Variants in AKT2 observed in about 807,000 individuals in gnomAD.
The protein encoded by AKT2 is AKT serine/threonine kinase 2.
A neutral mutation model predicts 58.6 loss-of-function variants in AKT2; 16 were observed. The observed-to-expected ratio is 0.27, with a 90% CI of 0.18 to 0.41. The LOEUF (loss-of-function observed/expected upper bound fraction) is 0.41, where lower values mean the gene tolerates loss of function less well. Among genes scored for constraint, AKT2 ranks in the 10% least tolerant of loss-of-function variants. The probability of loss-of-function intolerance (pLI) is 1.00; values close to 1 mark genes in which losing one functional copy is unlikely to be tolerated. For synonymous variants in AKT2, 253 were observed against 254.0 expected (o/e 1.00, Z 0.04); for missense variants, 438 against 661.0 (o/e 0.66, Z 3.70).
In AKT2 at chr19:40,231,571, C is replaced by T. The variant is rs1331158041; in HGVS notation, c.*2301G>A. The T allele has an allele frequency of 1.7e-5, 4 of 233,174 alleles. No homozygotes were observed. The highest frequency in any genetic ancestry group is 5.6e-5 in the Admixed American group (1 of 17,782). The allele number at this position is 233,174 out of a possible 1,614,324, so 14.4% of individuals were successfully genotyped here. Reference sequence around the variant, plus strand: ...ATGGGTGTGAAGTGCTAACACCTTGCGGCAAAATCTCAAATTCATCTGTGC... The same window carrying T: ...ATGGGTGTGAAGTGCTAACACCTTGTGGCAAAATCTCAAATTCATCTGTGC... On this transcript the variant is annotated 3_prime_UTR_variant, in exon 14 of 14. Coordinates refer to ENST00000392038, the MANE Select transcript of AKT2 (RefSeq NM_001626.6).
In AKT2 at chr19:40,235,333, C is replaced by T; in HGVS notation, c.1193G>A (p.Ser398Asn). The part of the protein sequence containing the change: ...DPKQRLGGGP[S>N]DAKEVMEHRF... ...GTGCTCCATGACCTCCTTGGCATCG[C>T]TGGGCCCCCCACCAAGCCTGTGCAG... is the stretch of plus-strand genomic sequence containing the variant. Residue 398 changes from serine to asparagine, a missense_variant, in exon 12 of 14, where the codon AGC becomes AAC. Ser to Asn is a conservative substitution (Grantham distance 46). Coordinates refer to ENST00000392038, the MANE Select transcript of AKT2 (RefSeq NM_001626.6). The surrounding 1 kb of genome is among the most constrained non-coding windows in gnomAD (Gnocchi z 6.3). The T allele has an allele frequency of 6.2e-7, 1 of 1,613,882 alleles. No homozygotes were observed. Among genetic ancestry groups the T allele is most frequent in the South Asian group, 1.1e-5 (1 of 91,084 alleles).
chr19:40,249,520 A>C (rs1469552924), intron 4 of AKT2, among the ~76,000 whole-genome samples: 1 of 152,172 alleles, frequency 6.6e-6, no homozygotes, highest in African/African-American at 2.4e-5. Context: ...AAGCTCGGCG[A>C]AGCAGAGGTG....
rs143444024 is a variant in AKT2, at chr19:40,280,181, C to T, written c.-85+5000G>A. Among the ~76,000 whole-genome samples, 1,201 of 152,360 alleles carry T rather than the reference C, an allele frequency of 7.9e-3. 25 individuals carry two copies. The highest frequency in any genetic ancestry group is 0.027 in the African/African-American group (1,117 of 41,580). On this transcript the variant is annotated intron_variant, in intron 1 of 13. Transcript: ENST00000392038. ...GCCTACAGGCCCACGGCAGCGTGGACGCAGGGTCAGCGGGTGCTGTCTGTA... is the reference window on the plus strand; with the variant it reads ...GCCTACAGGCCCACGGCAGCGTGGATGCAGGGTCAGCGGGTGCTGTCTGTA...
At chr19:40,265,675 C>A in intron 1 of AKT2, 1 of 338,730 alleles carries the variant, frequency 3.0e-6, no homozygotes, top group Non-Finnish European at 5.7e-6. Flanking sequence ...GGTAGCCGTG[C>A]CCTGCCCTCC....
chr19:40,267,966 T>C (rs964152508), intron 1 of AKT2, among the ~76,000 whole-genome samples: 3 of 151,742 alleles, frequency 2.0e-5, no homozygotes, highest in Admixed American at 6.6e-5. Context: ...CATGAGGAAA[T>C]GTATTTCAGC....
intron 2 of AKT2, among the ~76,000 whole-genome samples, chr19:40,260,521 T>C (rs967182981): frequency 6.9e-6 from 1 of 145,908 alleles, no homozygotes; most frequent in African/African-American, 2.6e-5. Context: ...TCCCAGCTAC[T>C]CAGGAGGCTG....
At chr19:40,246,409 C>T (rs1974756107) in intron 4 of AKT2, among the ~76,000 whole-genome samples, 1 of 152,184 alleles carries the variant, frequency 6.6e-6, no homozygotes. Context: ...CAGGTGTGAG[C>T]TGCTGTGCCC....
rs940402121 is a variant in AKT2, at chr19:40,237,855, G to A, written c.831+114C>T. ...GCGAATGAGGGCAGCCACCACCCTG[G>A]ACCTTGGTGGGGAGCCTGGCGAATG... is the stretch of plus-strand genomic sequence containing the variant. On this transcript the variant is annotated intron_variant, in intron 9 of 13. Coordinates refer to ENST00000392038, the MANE Select transcript of AKT2 (RefSeq NM_001626.6). The surrounding 1 kb of genome is among the most constrained non-coding windows in gnomAD (Gnocchi z 4.5). 4.7e-6 allele frequency: 7 copies of A among 1,492,272 alleles called. No individual in the cohort carries two copies. The highest frequency in any genetic ancestry group is 6.3e-6 in the Non-Finnish European group (7 of 1,102,878). The allele number at this position is 1,492,272 out of a possible 1,614,324, so 92.4% of individuals were successfully genotyped here. A position where few individuals can be genotyped will look rare whatever the true frequency, so the allele number is the denominator to read the frequency against.
chr19:40,237,318 A>G lies in AKT2; in HGVS notation c.831+651T>C, dbSNP rs4803320. The G allele has an allele frequency of 0.73, 112,484 of 154,600 alleles. 41,133 individuals are homozygous for G. The highest frequency in any genetic ancestry group is 0.79 in the African/African-American group (32,984 of 41,534). The allele number at this position is 154,600 out of a possible 1,614,324, so 9.6% of individuals were successfully genotyped here. On this transcript the variant is annotated intron_variant, in intron 9 of 13. Coordinates refer to ENST00000392038, the MANE Select transcript of AKT2 (RefSeq NM_001626.6). This position sits in a 1 kb window ranked among gnomAD's most constrained non-coding sequence, Gnocchi z 4.5. ...CCTGTGCACACAGCTAGGGCAGATGACTGGTGCTCAGCTTTGGTGGACACT... is the reference window on the plus strand; with the variant it reads ...CCTGTGCACACAGCTAGGGCAGATGGCTGGTGCTCAGCTTTGGTGGACACT...
intron 1 of AKT2, chr19:40,279,652 C>CA (rs5828063): frequency 0.029 from 3,336 of 113,930 alleles, 165 homozygotes; most frequent in African/African-American, 0.1. Flanking sequence ...GAACACACCT[C>CA]AAAAAAAAAA....
rs371077077 is a variant in AKT2 at position 40,242,704 on chromosome 19, G to GT, written c.288-18dup. 408 of 1,608,572 alleles carry GT rather than the reference G, an allele frequency of 2.5e-4. 1 individual carries two copies. The African/African-American group carries it at 4.6e-3, about 18-fold the overall frequency. On this transcript the variant is annotated splice_polypyrimidine_tract_variant and intron_variant, in intron 4 of 13. Transcript: ENST00000392038. This position sits in a 1 kb window ranked among gnomAD's most constrained non-coding sequence, Gnocchi z 4.3. ...CACTCCTCCCTGTGCAGGGACACAC[G>GT]TGAGTCCCAGCAGCCAGGAGTCCTG...
rs554295577 is a variant in AKT2, at chr19:40,231,186, C to T, written c.*2686G>A. 37 of 231,956 alleles carry T rather than the reference C, an allele frequency of 1.6e-4. No homozygotes were observed. The highest frequency in any genetic ancestry group is 6.0e-4 in the African/African-American group (27 of 45,364). 14.4% of individuals were successfully genotyped at this position (231,956 alleles called of 1,614,324 possible). ...CAGGATAACCACACATGCTCAACTA[C>T]GGGGCCAGCTGCTGCAGCTGTGGGA... is the stretch of plus-strand genomic sequence containing the variant. On this transcript the variant is annotated 3_prime_UTR_variant, in exon 14 of 14. Transcript: ENST00000392038.
intron 1 of AKT2, among the ~76,000 whole-genome samples, chr19:40,281,217 G>C (rs540765061): frequency 1.3e-5 from 2 of 152,342 alleles, no homozygotes; most frequent in South Asian, 4.1e-4. Context: ...GGAACCAGGG[G>C]CAGTGGCATG....
In AKT2 at chr19:40,233,938, GC is replaced by G; in HGVS notation, c.1379del (p.Gly460AlafsTer115). The part of the protein sequence containing the change: ...ITPPDRYDSL[G>X]LLELDQRTHF... ...GGGTCCGCTGGTCCAGCTCCAGTAA[GC>G]CCAGGCTGTCATCTGTGGGCGGCAG... is the stretch of plus-strand genomic sequence containing the variant. On this transcript the variant is annotated frameshift_variant, in exon 14 of 14. Coordinates refer to ENST00000392038, the MANE Select transcript of AKT2 (RefSeq NM_001626.6). LOFTEE classifies it high-confidence loss of function. This position sits in a 1 kb window ranked among gnomAD's most constrained non-coding sequence, Gnocchi z 4.3. 1 of 1,611,428 alleles carries G rather than the reference GC, an allele frequency of 6.2e-7. No homozygotes were observed.
rs1447140028 is a variant in AKT2 at position 40,233,009 on chromosome 19, G to A, written c.*863C>T. Reference sequence around the variant, plus strand: ...TAAGATTGTAACAGCCAAGGCTGGTGGCCCTCCACCCCCGCAGAGGAGAGG... The same window carrying A: ...TAAGATTGTAACAGCCAAGGCTGGTAGCCCTCCACCCCCGCAGAGGAGAGG... On this transcript the variant is annotated 3_prime_UTR_variant, in exon 14 of 14. Coordinates refer to ENST00000392038, the MANE Select transcript of AKT2 (RefSeq NM_001626.6). This position sits in a 1 kb window ranked among gnomAD's most constrained non-coding sequence, Gnocchi z 4.3. The A allele has an allele frequency of 8.6e-6, 2 of 232,648 alleles. No homozygotes were observed. The highest frequency in any genetic ancestry group is 8.5e-6 in the Non-Finnish European group (1 of 118,082). The allele number at this position is 232,648 out of a possible 1,614,324, so 14.4% of individuals were successfully genotyped here. A position where few individuals can be genotyped will look rare whatever the true frequency, so the allele number is the denominator to read the frequency against.
At chr19:40,277,761 T>A (rs1451354267) in intron 1 of AKT2, among the ~76,000 whole-genome samples, 1 of 152,116 alleles carries the variant, frequency 6.6e-6, no homozygotes, top group Non-Finnish European at 1.5e-5. Flanking sequence ...AGATCTCTGT[T>A]CCCTCCTTCA....
chr19:40,284,928 G>C (rs1305383425), intron 1 of AKT2: 2 of 316,900 alleles, frequency 6.3e-6, no homozygotes, highest in Non-Finnish European at 1.1e-5. Flanking sequence ...GCTGCGGCCT[G>C]CGCTCCCCGT....
chr19:40,234,050 C>A lies in AKT2; in HGVS notation c.1367-99G>T. 1 of 1,238,280 alleles carries A rather than the reference C, an allele frequency of 8.1e-7. No homozygotes were observed. The highest frequency in any genetic ancestry group is 1.1e-6 in the Non-Finnish European group (1 of 880,164). The allele number at this position is 1,238,280 out of a possible 1,614,324, so 76.7% of individuals were successfully genotyped here. A position where few individuals can be genotyped will look rare whatever the true frequency, so the allele number is the denominator to read the frequency against. ...AAACGGCCCCAGCTGGCGGGGGCTG[C>A]CCACAGGACAGGACAGGAAAGGCCC... is the stretch of plus-strand genomic sequence containing the variant. On this transcript the variant is annotated intron_variant, in intron 13 of 13. Transcript: ENST00000392038. The surrounding 1 kb of genome is among the most constrained non-coding windows in gnomAD (Gnocchi z 4.7).
intron 1 of AKT2, among the ~76,000 whole-genome samples, chr19:40,280,002 A>G (rs181265949): frequency 2.0e-5 from 3 of 152,212 alleles, no homozygotes; most frequent in Non-Finnish European, 2.9e-5. Flanking sequence ...ACCCAGCTAT[A>G]GTGGAGAAAC....
Sources: allele counts gnomAD v4.1 joint callset (sites outside exome capture counted in the v4.1 genomes callset), GRCh38; gene constraint gnomAD v4.1.1; non-coding constraint Gnocchi (gnomAD v3.1); transcripts MANE v1.5; gene names NCBI Gene and HGNC (gene_info 2026-07-23, HGNC 2026-07-21).